ROBO2: variants seen among roughly 807,000 people sequenced by gnomAD.
The protein encoded by ROBO2 is roundabout guidance receptor 2, also known as roundabout homolog 2.
In ROBO2, 53 loss-of-function variants were observed where a neutral mutation model predicts 160.8. The observed-to-expected ratio is 0.33, with a 90% confidence interval of 0.26 to 0.41. The LOEUF is 0.41. Among genes scored for constraint, ROBO2 ranks in the 10% least tolerant of loss-of-function variants. The pLI is 1.00. For synonymous variants in ROBO2, 664 were observed against 611.7 expected (o/e 1.09, Z -1.26); for missense variants, 1,577 against 1,722.4 (o/e 0.92, Z 1.49).
At chr3:76,252,435 T>C (rs894789479) in intron 2 of ROBO2, among the ~76,000 whole-genome samples, 9 of 152,116 alleles carry the variant, frequency 5.9e-5, no homozygotes, top group African/African-American at 1.9e-4. Context: ...CCACTGTTTA[T>C]TAAAACTATT....
chr3:76,673,163 A>G (rs551599480), intron 2 of ROBO2, among the ~76,000 whole-genome samples: 3 of 152,312 alleles, frequency 2.0e-5, no homozygotes, highest in Admixed American at 6.5e-5. Context: ...ACACTAAAAC[A>G]GTAAACGGTT....
At chr3:75,981,859 C>A (rs1216005963) in intron 2 of ROBO2, among the ~76,000 whole-genome samples, 1 of 150,588 alleles carries the variant, frequency 6.6e-6, no homozygotes, top group African/African-American at 2.4e-5. Flanking sequence ...AGTAGTAGGT[C>A]TTATTCATTC....
chr3:76,645,247 G>A (rs551869530), intron 2 of ROBO2, among the ~76,000 whole-genome samples: 15 of 152,220 alleles, frequency 9.9e-5, no homozygotes, highest in African/African-American at 3.1e-4. Context: ...AAAGAATGAG[G>A]GGATTTCAAA....
Position 76,255,531 on chromosome 3 carries a change from A to T in ROBO2, c.109+317929A>T, listed in dbSNP as rs151321909. Among the ~76,000 whole-genome samples the T allele has an allele frequency of 1.8e-3, 271 of 152,154 alleles. 4 individuals carry two copies. The highest frequency in any genetic ancestry group is 0.013 in the East Asian group (66 of 5,156). ...CAAAATTGAGGGCTGAAAAATTTAC[A>T]TTGTAAACATTGATGCAGAATTTCT... On this transcript the variant is annotated intron_variant, in intron 2 of 26. Transcript: ENST00000487694.
intron 2 of ROBO2, chr3:76,434,252 G>A (rs878948197): frequency 1.0e-5 from 10 of 1,003,842 alleles, no homozygotes; most frequent in African/African-American, 1.6e-5. Context: ...TGGAGCGAGC[G>A]CTGTTGGTTA....
At chr3:77,448,655 A>C (rs2080819201) in intron 2 of ROBO2, among the ~76,000 whole-genome samples, 1 of 126,322 alleles carries the variant, frequency 7.9e-6, no homozygotes, top group South Asian at 2.9e-4. Context: ...GTATATATTA[A>C]GGAAAAATTA....
rs112099276 is a variant in ROBO2 at position 76,780,503 on chromosome 3, G to A, written c.110-317511G>A. Among the ~76,000 whole-genome samples, 884 of 150,664 alleles carry A rather than the reference G, an allele frequency of 5.9e-3. 8 individuals carry two copies. Among genetic ancestry groups the A allele is most frequent in the African/African-American group, 0.021 (853 of 41,334 alleles). On this transcript the variant is annotated intron_variant, in intron 2 of 26. Transcript: ENST00000487694. The stretch of plus-strand genomic sequence containing the variant: ...GTGTCAGAACCAAATAATAAAAATC[G>A]TTGCCAAGACCCATGTCGAGAAGGT...
intron 2 of ROBO2, among the ~76,000 whole-genome samples, chr3:76,825,603 CAAAA>C (rs201063990): frequency 1.4e-5 from 1 of 72,494 alleles, no homozygotes; most frequent in Non-Finnish European, 2.3e-5. Context: ...TCATCTTAGC[CAAAA>C]AAAAAAAAAA....
chr3:75,909,969 G>A (rs571088949), intron 1 of ROBO2, among the ~76,000 whole-genome samples: 2 of 152,314 alleles, frequency 1.3e-5, no homozygotes, highest in South Asian at 4.1e-4. Flanking sequence ...GTTATGCCAT[G>A]TAGTGAGATG....
chr3:77,390,147 T>C (rs2074569073), intron 2 of ROBO2, among the ~76,000 whole-genome samples: 1 of 152,152 alleles, frequency 6.6e-6, no homozygotes, highest in East Asian at 1.9e-4. Context: ...GGCCAGTCCT[T>C]CCGCCCCTTC....
chr3:75,967,360 A>G (rs1055540112), intron 2 of ROBO2, among the ~76,000 whole-genome samples: 23 of 151,584 alleles, frequency 1.5e-4, no homozygotes, highest in Non-Finnish European at 3.0e-4. Flanking sequence ...ACTCAGTTCA[A>G]ATATATTGAC....
At chr3:76,047,057 A>G (rs1416153758) in intron 2 of ROBO2, among the ~76,000 whole-genome samples, 1 of 152,222 alleles carries the variant, frequency 6.6e-6, no homozygotes, top group African/African-American at 2.4e-5. Context: ...CAGAAGTGAT[A>G]TATAAGTAAC....
intron 2 of ROBO2, among the ~76,000 whole-genome samples, chr3:75,975,248 A>G (rs1016212690): frequency 6.6e-6 from 1 of 151,496 alleles, no homozygotes; most frequent in East Asian, 1.9e-4. Flanking sequence ...ATACAAATTT[A>G]AACATATTTG....
At chr3:76,168,068 T>C (rs914735006) in intron 2 of ROBO2, among the ~76,000 whole-genome samples, 16 of 152,184 alleles carry the variant, frequency 1.1e-4, no homozygotes, top group Admixed American at 9.2e-4. Flanking sequence ...CTGTTTCCTT[T>C]GTCTATTTTT....
At chr3:76,324,730 C>G (rs924766321) in intron 2 of ROBO2, among the ~76,000 whole-genome samples, 67 of 151,998 alleles carry the variant, frequency 4.4e-4, no homozygotes, top group African/African-American at 1.6e-3. Flanking sequence ...AATTAAATAT[C>G]AAAAAACTTC....
chr3:75,928,042 G>T (rs1273784437), intron 1 of ROBO2, among the ~76,000 whole-genome samples: 1 of 147,192 alleles, frequency 6.8e-6, no homozygotes, highest in East Asian at 2.1e-4. Flanking sequence ...TGGAGTGCAG[G>T]GGCGCGATCT....
chr3:76,393,755 A>T (rs1323180316), intron 2 of ROBO2, among the ~76,000 whole-genome samples: 1 of 152,168 alleles, frequency 6.6e-6, no homozygotes, highest in Non-Finnish European at 1.5e-5. Context: ...CTCTGGACAG[A>T]GGAGTGTATC....
chr3:77,239,071 C>G (rs2088543404), intron 2 of ROBO2, among the ~76,000 whole-genome samples: 2 of 152,182 alleles, frequency 1.3e-5, no homozygotes. Context: ...CCTTGGGATC[C>G]TCATCCCTCT....
chr3:77,185,287 G>A (rs2081181016), intron 2 of ROBO2, among the ~76,000 whole-genome samples: 1 of 151,950 alleles, frequency 6.6e-6, no homozygotes, highest in Admixed American at 6.6e-5. Context: ...TCTTTGGAAT[G>A]GTTGTTACAG....
Sources: gnomAD v4.1 joint callset for allele counts (sites outside exome capture counted in the v4.1 genomes callset) on GRCh38, gnomAD v4.1.1 for gene constraint, MANE v1.5 for transcripts, NCBI Gene and HGNC (gene_info 2026-07-23, HGNC 2026-07-21) for gene names.